Variants in SNRNP40 observed in about 807,000 individuals in gnomAD.
SNRNP40 encodes U5 small nuclear ribonucleoprotein 40 kDa protein.
Under a neutral mutation model 45.8 loss-of-function variants are expected in SNRNP40, and 21 were observed. The ratio of observed to expected loss-of-function variants is 0.46; its 90% CI spans 0.32 to 0.66. The LOEUF is 0.66. Ranked by LOEUF, SNRNP40 falls within the 30% of genes least tolerant of loss-of-function variation. The probability of loss-of-function intolerance (pLI) is 0.03; values close to 1 mark genes in which losing one functional copy is unlikely to be tolerated. For missense variants in SNRNP40, 344 were observed against 439.1 expected, an observed-to-expected ratio of 0.78 and a Z score of 1.94; for synonymous variants, 142 against 163.8, an observed-to-expected ratio of 0.87 and a Z score of 1.01.
chr1:31,263,513 G>T, intron 8 of SNRNP40: 1 of 369,016 alleles, frequency 2.7e-6, no homozygotes, highest in Non-Finnish European at 5.2e-6. Context: ...GAGAGCCCCT[G>T]AAATCAACTC....
chr1:31,294,667 C>T (rs1224714312), intron 1 of SNRNP40, among the ~76,000 whole-genome samples: 2 of 152,004 alleles, frequency 1.3e-5, no homozygotes, highest in Non-Finnish European at 2.9e-5. Context: ...AGGCTGGGCG[C>T]GGTGGCTCAC....
chr1:31,264,817 C>T (rs1240618590), intron 8 of SNRNP40, among the ~76,000 whole-genome samples: 1 of 152,106 alleles, frequency 6.6e-6, no homozygotes. Context: ...TTTGCCAAAT[C>T]CAGGCCAAGC....
chr1:31,262,123 T>C (rs1645863003), intron 8 of SNRNP40, among the ~76,000 whole-genome samples: 1 of 152,078 alleles, frequency 6.6e-6, no homozygotes, highest in Non-Finnish European at 1.5e-5. Context: ...ATATAAAATA[T>C]TTATAGTGTT....
chr1:31,293,139 T>C, intron 2 of SNRNP40, 80 bp downstream of exon 2: 1 of 1,506,280 alleles, frequency 6.6e-7, no homozygotes, highest in Non-Finnish European at 9.2e-7. Flanking sequence ...GAGTGATACC[T>C]TCTGTGGCAC....
chr1:31,287,432 AG>A (rs1477518241), intron 4 of SNRNP40, among the ~76,000 whole-genome samples: 11 of 152,346 alleles, frequency 7.2e-5, no homozygotes, highest in African/African-American at 2.4e-4. Context: ...GCAGACAGAA[AG>A]GACATATACT....
intron 8 of SNRNP40, among the ~76,000 whole-genome samples, chr1:31,262,373 T>C (rs1181692315): frequency 6.6e-6 from 1 of 151,552 alleles, no homozygotes; most frequent in Non-Finnish European, 1.5e-5. Flanking sequence ...TACAAAAAAT[T>C]AGCCAGGAGT....
intron 4 of SNRNP40, among the ~76,000 whole-genome samples, chr1:31,287,419 A>G (rs1236969933): frequency 6.6e-6 from 1 of 152,184 alleles, no homozygotes; most frequent in Non-Finnish European, 1.5e-5. Context: ...AAACCAAAAG[A>G]AGGCAGACAG....
chr1:31,287,842 A>C (rs930832748), intron 4 of SNRNP40, among the ~76,000 whole-genome samples: 5 of 152,292 alleles, frequency 3.3e-5, no homozygotes, highest in African/African-American at 1.2e-4. Flanking sequence ...TACTGAAAAT[A>C]CAAAAACTAG....
In SNRNP40 at chr1:31,293,298, T is replaced by C. The variant is rs144317674; in HGVS notation, c.192A>G (p.Gly64=). 4 of 1,613,942 alleles carry C rather than the reference T, an allele frequency of 2.5e-6. No individual in the cohort carries two copies. In the East Asian group the frequency reaches 8.9e-5, roughly 36 times the overall value. ...SLQAPIMLLS[G]HEGEVYCCKF... Reference sequence around the variant, plus strand: ...TGCAGCAGTAGACTTCCCCTTCATGTCCAGAGAGCAGCATGATTGGGGCTT... The same window carrying C: ...TGCAGCAGTAGACTTCCCCTTCATGCCCAGAGAGCAGCATGATTGGGGCTT... Residue 64 remains glycine (G), a synonymous_variant, in exon 2 of 10, where the codon GGA becomes GGG. Transcript: ENST00000263694.
intron 9 of SNRNP40, chr1:31,261,273 C>T (rs1240910759): frequency 4.4e-6 from 2 of 455,652 alleles, no homozygotes; most frequent in Non-Finnish European, 8.0e-6. Flanking sequence ...ACTGCTTGAA[C>T]CCAGGAGGCA....
intron 7 of SNRNP40, 100 bp downstream of exon 7, chr1:31,269,058 T>C (rs894299151): frequency 9.5e-7 from 1 of 1,054,810 alleles, no homozygotes; most frequent in Non-Finnish European, 1.3e-6. Context: ...TGGAATGAAG[T>C]CCATTCTTAG....
intron 5 of SNRNP40, among the ~76,000 whole-genome samples, chr1:31,279,042 CA>C (rs955262579): frequency 1.0e-5 from 1 of 97,904 alleles, no homozygotes. Context: ...AAAACACATA[CA>C]AAAAACAAAA....
chr1:31,262,248 G>A (rs1213883902), intron 8 of SNRNP40, among the ~76,000 whole-genome samples: 1 of 152,084 alleles, frequency 6.6e-6, no homozygotes, highest in Non-Finnish European at 1.5e-5. Context: ...GGCTGGGAGT[G>A]GTGGCTCATG....
At chr1:31,290,966 A>G (rs1202183418) in intron 3 of SNRNP40, among the ~76,000 whole-genome samples, 3 of 152,058 alleles carry the variant, frequency 2.0e-5, no homozygotes, top group African/African-American at 7.2e-5. Flanking sequence ...TTCTGAGTAG[A>G]AAAAAAGGCA....
intron 1 of SNRNP40, among the ~76,000 whole-genome samples, chr1:31,295,993 G>A (rs1464619300): frequency 6.6e-6 from 1 of 152,202 alleles, no homozygotes; most frequent in Non-Finnish European, 1.5e-5. Flanking sequence ...AATGTAGTTA[G>A]GAGCATGGTT....
intron 6 of SNRNP40, among the ~76,000 whole-genome samples, chr1:31,270,297 A>G (rs185702825): frequency 6.6e-6 from 1 of 152,336 alleles, no homozygotes; most frequent in East Asian, 1.9e-4. Context: ...TCCTTATTTT[A>G]GTATCAATCT....
rs2148386984 is a variant in SNRNP40 at position 31,281,440 on chromosome 1, C to T, written c.588G>A (p.Val196=). 1 of 1,610,290 alleles carries T rather than the reference C, an allele frequency of 6.2e-7. No individual in the cohort carries two copies. The highest frequency in any genetic ancestry group is 8.5e-7 in the Non-Finnish European group (1 of 1,176,738). ...AIQTFQNTYQ[V]LAVTFNDTSD... ...TTGTGTCATTGAAGGTCACAGCTAACACCTGGTACGTGTTCTGAAATGTCT... is the reference window on the plus strand; with the variant it reads ...TTGTGTCATTGAAGGTCACAGCTAATACCTGGTACGTGTTCTGAAATGTCT... Residue 196 remains valine, a synonymous_variant, in exon 5 of 10, where the codon GTG becomes GTA. Transcript: ENST00000263694.
chr1:31,289,263 G>C lies in SNRNP40; in HGVS notation c.522C>G (p.Gly174=), dbSNP rs752645652. ...PQLVCTGSDD[G]TVKLWDIRKK... is the part of the protein sequence containing the mutation. ...GAGAGACAATACCCACCTTAACTGTGCCATCGTCACTGCCAGTGCAGACAA... is the reference window on the plus strand; with the variant it reads ...GAGAGACAATACCCACCTTAACTGTCCCATCGTCACTGCCAGTGCAGACAA... The change falls in exon 4 of 10, where the codon GGC becomes GGG. Residue 174 remains glycine, a synonymous_variant. Coordinates refer to ENST00000263694, the MANE Select transcript of SNRNP40 (RefSeq NM_004814.3). 4.3e-6 allele frequency: 7 copies of C among 1,613,888 alleles called. No individual in the cohort carries two copies. The highest frequency in any genetic ancestry group is 1.7e-5 in the Admixed American group (1 of 59,996).
intron 5 of SNRNP40, among the ~76,000 whole-genome samples, chr1:31,273,074 CAT>C (rs1238552731): frequency 4.1e-4 from 62 of 152,322 alleles, no homozygotes; most frequent in African/African-American, 1.4e-3. Flanking sequence ...GTAACTCACT[CAT>C]GTGTGGAGCC....
Sources: allele counts gnomAD v4.1 joint callset (sites outside exome capture counted in the v4.1 genomes callset), GRCh38; gene constraint gnomAD v4.1.1; transcripts MANE v1.5; gene names NCBI Gene and HGNC (gene_info 2026-07-23, HGNC 2026-07-21).